CPEB1: variants seen among roughly 807,000 people sequenced by gnomAD.
CPEB1 encodes the protein cytoplasmic polyadenylation element binding protein 1, also known as cytoplasmic polyadenylation element-binding protein 1.
A neutral mutation model predicts 65.8 loss-of-function variants in CPEB1; 7 were observed. The observed-to-expected ratio is 0.11, with a 90% CI of 0.06 to 0.20. CPEB1 has a LOEUF of 0.20. CPEB1 is among the 10% of genes least tolerant of loss of function. CPEB1 has a pLI of 1.00. For missense variants in CPEB1, 551 were observed against 712.2 expected, an observed-to-expected ratio of 0.77 and a Z score of 2.58; for synonymous variants, 262 against 260.0, an observed-to-expected ratio of 1.01 and a Z score of -0.08.
intron 1 of CPEB1, among the ~76,000 whole-genome samples, chr15:82,642,824 G>A (rs985088187): frequency 6.6e-6 from 1 of 152,076 alleles, no homozygotes; most frequent in Non-Finnish European, 1.5e-5. Flanking sequence ...AAAATAATTT[G>A]TTATTTGATC....
chr15:82,551,026 G>A (rs1436348711), intron 9 of CPEB1, among the ~76,000 whole-genome samples: 1 of 151,990 alleles, frequency 6.6e-6, no homozygotes, highest in African/African-American at 2.4e-5. Flanking sequence ...AAAGCAGGAG[G>A]GGAGGAAAAA....
chr15:82,627,481 T>A, intron 2 of CPEB1, 114 bp from the exon 3 acceptor site: 1 of 720,986 alleles, frequency 1.4e-6, no homozygotes, highest in Non-Finnish European at 2.2e-6. Context: ...TCTTTATACA[T>A]TAAAACACTT....
intron 3 of CPEB1, among the ~76,000 whole-genome samples, chr15:82,584,760 T>TAAC (rs1174083916): frequency 6.7e-6 from 1 of 149,780 alleles, no homozygotes; most frequent in Non-Finnish European, 1.5e-5. Context: ...TATAAAAAAT[T>TAAC]AACACAAAGA....
At chr15:82,569,324 G>A (rs1048856549) in intron 4 of CPEB1, among the ~76,000 whole-genome samples, 2 of 152,132 alleles carry the variant, frequency 1.3e-5, no homozygotes, top group Non-Finnish European at 2.9e-5. Context: ...GCAACATGAC[G>A]ATTAGGGATG....
rs1411677160 is a variant in CPEB1, at chr15:82,553,564, GAGAC to G, written c.1055-12_1055-9del. The G allele has an allele frequency of 1.7e-5, 27 of 1,600,788 alleles. No individual in the cohort carries two copies. The highest frequency in any genetic ancestry group is 2.3e-5 in the Non-Finnish European group (27 of 1,169,252). ...AGGTGTTAACTAATCCAGCTGCAAA[GAGAC>G]AGAAAAGAATGGCAGAAGCTGAGGA... On this transcript the variant is annotated splice_polypyrimidine_tract_variant and intron_variant, in intron 7 of 12. Coordinates refer to ENST00000684509, the MANE Select transcript of CPEB1 (RefSeq NM_001365242.1).
chr15:82,613,431 A>G (rs1047815114), intron 3 of CPEB1, among the ~76,000 whole-genome samples: 3 of 152,034 alleles, frequency 2.0e-5, no homozygotes, highest in Non-Finnish European at 4.4e-5. Flanking sequence ...TGTGTCACCC[A>G]GGCTGGAGTG....
intron 4 of CPEB1, among the ~76,000 whole-genome samples, chr15:82,560,168 T>C (rs1451904239): frequency 1.3e-5 from 2 of 152,078 alleles, no homozygotes; most frequent in Non-Finnish European, 2.9e-5. Flanking sequence ...GCAGAATATG[T>C]GAAGATTTTA....
chr15:82,612,509 C>CA (rs34537151), intron 3 of CPEB1, among the ~76,000 whole-genome samples: 3,054 of 130,186 alleles, frequency 0.023, 57 homozygotes, highest in African/African-American at 0.056. Context: ...AAAAAAAAAA[C>CA]AAAAAAAAAA....
At chr15:82,593,893 T>C (rs1453092905) in intron 3 of CPEB1, among the ~76,000 whole-genome samples, 1 of 152,242 alleles carries the variant, frequency 6.6e-6, no homozygotes, top group African/African-American at 2.4e-5. Context: ...GAATCCCTTC[T>C]TGTCTGTACA....
chr15:82,544,718 A>G lies in CPEB1; in HGVS notation c.1657-16T>C. 1 of 1,588,152 alleles carries G rather than the reference A, an allele frequency of 6.3e-7. No individual in the cohort carries two copies. The highest frequency in any genetic ancestry group is 8.6e-7 in the Non-Finnish European group (1 of 1,158,206). On this transcript the variant is annotated splice_polypyrimidine_tract_variant and intron_variant, in intron 12 of 12. Transcript: ENST00000684509. ...TGAAGCAGACCTGGGTTGGGGGAACAAAAAGGAGGATGCCATGCCTGTGTC... is the reference window on the plus strand; with the variant it reads ...TGAAGCAGACCTGGGTTGGGGGAACGAAAAGGAGGATGCCATGCCTGTGTC...
chr15:82,635,470 T>C (rs953988957), intron 1 of CPEB1, among the ~76,000 whole-genome samples: 4 of 152,218 alleles, frequency 2.6e-5, no homozygotes, highest in Non-Finnish European at 5.9e-5. Flanking sequence ...AAATTTCTCC[T>C]TGGTCCTACC....
intron 3 of CPEB1, among the ~76,000 whole-genome samples, chr15:82,592,978 C>A (rs1465544547): frequency 6.6e-6 from 1 of 152,178 alleles, no homozygotes; most frequent in Admixed American, 6.5e-5. Flanking sequence ...TCCTGGACAA[C>A]AGAGCGATAC....
At chr15:82,591,439 A>G (rs2042243914) in intron 3 of CPEB1, among the ~76,000 whole-genome samples, 1 of 151,848 alleles carries the variant, frequency 6.6e-6, no homozygotes, top group Non-Finnish European at 1.5e-5. Context: ...TAATTTTTGT[A>G]ATTTTTAGTA....
chr15:82,640,796 T>C (rs2047042302), intron 1 of CPEB1: 1 of 151,614 alleles, frequency 6.6e-6, no homozygotes, highest in Admixed American at 6.6e-5. Flanking sequence ...CTCCTGTATA[T>C]ATAAGGAGAC....
chr15:82,572,039 G>A (rs114511543), intron 3 of CPEB1: 2,318 of 172,422 alleles, frequency 0.013, 51 homozygotes, highest in African/African-American at 0.052. Flanking sequence ...AGTCCTCTCC[G>A]CCGACAGCAG....
At chr15:82,599,040 C>T (rs2042893318) in intron 3 of CPEB1, among the ~76,000 whole-genome samples, 1 of 151,872 alleles carries the variant, frequency 6.6e-6, no homozygotes, top group Admixed American at 6.6e-5. Context: ...ATAATAATTC[C>T]CCCAAAGATA....
At position 82,627,429 on chromosome 15, in the gene CPEB1, C is replaced by T. The variant is rs1381120651; in HGVS notation, c.97-62G>A. 4.7e-6 allele frequency: 6 copies of T among 1,274,694 alleles called. No homozygotes were observed. The South Asian group carries it at 9.2e-5, about 20-fold the overall frequency. 79.0% of individuals were successfully genotyped at this position (1,274,694 alleles called of 1,614,324 possible). ...CACTCCTTTATGACCCCCTTTCTCTCCACATTACGAATTAGATAAAGTAGG... is the reference window on the plus strand; with the variant it reads ...CACTCCTTTATGACCCCCTTTCTCTTCACATTACGAATTAGATAAAGTAGG... On this transcript the variant is annotated intron_variant, in intron 2 of 12. Transcript: ENST00000684509.
chr15:82,577,416 TGC>T (rs2040775738), intron 3 of CPEB1, among the ~76,000 whole-genome samples: 2 of 152,142 alleles, frequency 1.3e-5, no homozygotes, highest in Non-Finnish European at 2.9e-5. Flanking sequence ...CTACAAATGT[TGC>T]ACAAAAACTA....
At chr15:82,642,940 A>G (rs587667547) in intron 1 of CPEB1, among the ~76,000 whole-genome samples, 2 of 152,346 alleles carry the variant, frequency 1.3e-5, no homozygotes, top group Admixed American at 6.5e-5. Context: ...CAAAAGTACT[A>G]ATACTCTAAT....
Sources: allele counts gnomAD v4.1 joint callset (sites outside exome capture counted in the v4.1 genomes callset), GRCh38; gene constraint gnomAD v4.1.1; transcripts MANE v1.5; gene names NCBI Gene and HGNC (gene_info 2026-07-23, HGNC 2026-07-21).